Variants in NID1 observed in about 807,000 individuals in gnomAD.
NID1 encodes the protein nidogen-1.
In NID1, 76 loss-of-function variants were observed where a neutral mutation model predicts 130.6. The observed-to-expected ratio is 0.58, with a 90% CI of 0.48 to 0.70. The LOEUF (loss-of-function observed/expected upper bound fraction) is 0.70. Ranked by LOEUF, NID1 falls within the 30% of genes least tolerant of loss-of-function variation. NID1 has a pLI of 0.00. For synonymous variants in NID1, 665 were observed against 675.1 expected (o/e 0.98, Z 0.23); for missense variants, 1,517 against 1,664.8 (o/e 0.91, Z 1.54).
chr1:236,017,366 G>T (rs1658630343), intron 9 of NID1, 93 bp from the exon 10 acceptor site: 3 of 1,373,566 alleles, frequency 2.2e-6, no homozygotes, highest in South Asian at 1.3e-5. Context: ...CCTAAGAATA[G>T]ATCAATTTTA....
At chr1:236,062,420 A>G (rs1026605028) in intron 1 of NID1, among the ~76,000 whole-genome samples, 4 of 152,180 alleles carry the variant, frequency 2.6e-5, no homozygotes, top group African/African-American at 9.7e-5. Flanking sequence ...GGATCACCTG[A>G]GGTCAGGAGT....
chr1:236,002,386 C>T (rs557626993), intron 12 of NID1, among the ~76,000 whole-genome samples: 86 of 152,120 alleles, frequency 5.7e-4, no homozygotes, highest in African/African-American at 1.9e-3. Context: ...GCCTGTAATC[C>T]CAGCTACTCG....
chr1:235,990,235 G>A (rs552072439), intron 14 of NID1, among the ~76,000 whole-genome samples: 54 of 152,316 alleles, frequency 3.5e-4, no homozygotes, highest in African/African-American at 1.3e-3. Context: ...AGGAAGAGAA[G>A]AAAAGCTGGA....
intron 1 of NID1, among the ~76,000 whole-genome samples, chr1:236,053,015 C>T (rs1005163230): frequency 2.6e-5 from 4 of 152,226 alleles, no homozygotes; most frequent in African/African-American, 9.6e-5. Flanking sequence ...AAGTACTCGG[C>T]AAGCTGCCGG....
intron 2 of NID1, 57 bp downstream of exon 2, chr1:236,048,633 A>C: frequency 1.3e-6 from 2 of 1,565,770 alleles, no homozygotes; most frequent in Non-Finnish European, 1.7e-6. Context: ...CGTGAGACCA[A>C]AGTGTATGAA....
chr1:236,039,553 T>C (rs1659387538), intron 4 of NID1, among the ~76,000 whole-genome samples: 1 of 152,198 alleles, frequency 6.6e-6, no homozygotes, highest in South Asian at 2.1e-4. Context: ...TATTTTAAAT[T>C]TCCACATTCC....
rs1347584488 is a variant in NID1 at position 235,984,127 on chromosome 1, G to A, written c.3055+1252C>T. ...TTACAGCGTTCTTGGATGGTTATGA[G>A]CTCCAAAAGCAACAGGAAATAGCAA... On this transcript the variant is annotated intron_variant, in intron 15 of 19. Transcript: ENST00000264187. 2.0e-5 allele frequency among the ~76,000 whole-genome samples: 3 copies of A among 152,140 alleles called. No homozygotes were observed. In the East Asian group the frequency reaches 5.8e-4, roughly 29 times the overall value.
intron 12 of NID1, among the ~76,000 whole-genome samples, chr1:236,011,390 C>T (rs926573754): frequency 6.6e-5 from 10 of 150,472 alleles, no homozygotes; most frequent in Non-Finnish European, 1.5e-4. Flanking sequence ...GCAACCTCTG[C>T]CTCCCAGGTT....
intron 7 of NID1, among the ~76,000 whole-genome samples, chr1:236,027,790 C>G (rs2102828204): frequency 6.6e-6 from 1 of 152,084 alleles, no homozygotes; most frequent in East Asian, 1.9e-4. Context: ...GATCACACCA[C>G]TGCACCACAG....
chr1:235,980,252 C>T (rs1657397924), intron 17 of NID1, among the ~76,000 whole-genome samples: 1 of 152,134 alleles, frequency 6.6e-6, no homozygotes, highest in South Asian at 2.1e-4. Context: ...TCTTAAAGCA[C>T]CAGATAGTAA....
chr1:236,008,624 C>G (rs1658318630), intron 12 of NID1, among the ~76,000 whole-genome samples: 1 of 151,960 alleles, frequency 6.6e-6, no homozygotes, highest in Admixed American at 6.6e-5. Flanking sequence ...CCTCAACCTC[C>G]TGAGTAACTG....
At chr1:236,063,549 GTGT>G (rs1281761503) in intron 1 of NID1, among the ~76,000 whole-genome samples, 2 of 152,062 alleles carry the variant, frequency 1.3e-5, no homozygotes, top group African/African-American at 4.8e-5. Context: ...CATAAGATGT[GTGT>G]TTTTTTAATA....
intron 10 of NID1, 108 bp from the exon 11 acceptor site, chr1:236,013,668 T>G: frequency 3.1e-6 from 4 of 1,276,454 alleles, no homozygotes; most frequent in Non-Finnish European, 3.3e-6. Flanking sequence ...CCTAGACCTC[T>G]AGGCATGTCC....
Position 236,048,699 on chromosome 1 carries a change from C to T in NID1, c.516G>A (p.Gln172=). 1.2e-6 allele frequency: 2 copies of T among 1,609,288 alleles called. No individual in the cohort carries two copies. Among genetic ancestry groups the T allele is most frequent in the Non-Finnish European group, 1.7e-6 (2 of 1,179,256 alleles). The change falls in exon 2 of 20, where the codon CAG becomes CAA. Residue 172 remains glutamine, a synonymous_variant. Coordinates refer to ENST00000264187, the MANE Select transcript of NID1 (RefSeq NM_002508.3). ...PYQGPSRDPD[Q]KGKRNTFQAV... is the part of the protein sequence containing the mutation. ...CTGGAGGGGAGCTTACCTTGCCTTT[C>T]TGGTCTGGGTCCCTGCTGGGCCCTT...
chr1:235,997,719 G>C (rs1421446185), intron 12 of NID1, among the ~76,000 whole-genome samples: 1 of 150,124 alleles, frequency 6.7e-6, no homozygotes. Context: ...CAGTTCTCCT[G>C]TCTCAGCCTC....
rs371242407 is a variant in NID1 at position 236,038,107 on chromosome 1, C to T, written c.1282G>A (p.Glu428Lys). The T allele has an allele frequency of 1.9e-6, 3 of 1,597,298 alleles. No individual in the cohort carries two copies. The highest frequency in any genetic ancestry group is 3.4e-5 in the Admixed American group (2 of 59,220). The stretch of plus-strand genomic sequence containing the variant: ...CGAACATAGAAAAGCAAATTACCTT[C>T]TGCAACACATTGCCTGCCATTGCCC... ...YTGNGRQCVAEGSPQRVNGKV... is the reference protein window; with the variant it reads ...YTGNGRQCVAKGSPQRVNGKV... The change falls in exon 5 of 20, where the codon GAA becomes AAA. Residue 428 changes from glutamate to lysine, a missense_variant. Around this residue, in one of 3 missense-constraint regions of NID1, gnomAD observed 1,329 missense variants for 1,429.2 expected, o/e 0.93. Transcript: ENST00000264187.
intron 3 of NID1, among the ~76,000 whole-genome samples, chr1:236,042,838 AC>A (rs1407937513): frequency 2.6e-5 from 4 of 152,148 alleles, no homozygotes; most frequent in Non-Finnish European, 5.9e-5. Context: ...GAGCTCCTAG[AC>A]AGTTTCAGGA....
chr1:236,007,125 G>A (rs1242112827), intron 12 of NID1, among the ~76,000 whole-genome samples: 1 of 152,206 alleles, frequency 6.6e-6, no homozygotes, highest in African/African-American at 2.4e-5. Flanking sequence ...CCAGGCTCAA[G>A]TGATGCTCTT....
At chr1:236,006,075 C>T (rs1658240012) in intron 12 of NID1, among the ~76,000 whole-genome samples, 1 of 152,166 alleles carries the variant, frequency 6.6e-6, no homozygotes, top group African/African-American at 2.4e-5. Flanking sequence ...CTGTCCTCTG[C>T]TTCTCCACCC....
Sources: gnomAD v4.1 joint callset for allele counts (sites outside exome capture counted in the v4.1 genomes callset) on GRCh38, gnomAD v4.1.1 for gene constraint, gnomAD v4.1.1 regional missense constraint, MANE v1.5 for transcripts, NCBI Gene and HGNC (gene_info 2026-07-23, HGNC 2026-07-21) for gene names.